IGF1R: variants seen among roughly 807,000 people sequenced by gnomAD.
The protein encoded by IGF1R is insulin-like growth factor 1 receptor.
IGF1R carries 44 observed loss-of-function variants against 144.6 expected under a neutral mutation model. The observed-to-expected ratio is 0.30, with a 90% CI of 0.24 to 0.39. The LOEUF is 0.39. Among genes scored for constraint, IGF1R ranks in the 10% least tolerant of loss-of-function variants. The probability of loss-of-function intolerance (pLI) is 1.00; values close to 1 mark genes in which losing one functional copy is unlikely to be tolerated. For missense variants in IGF1R, 1,355 were observed against 1,833.7 expected, an observed-to-expected ratio of 0.74 and a Z score of 4.77; for synonymous variants, 795 against 722.8, an observed-to-expected ratio of 1.10 and a Z score of -1.60.
chr15:98,819,766 G>C (rs2056767928), intron 2 of IGF1R, among the ~76,000 whole-genome samples: 1 of 152,152 alleles, frequency 6.6e-6, no homozygotes, highest in African/African-American at 2.4e-5. Flanking sequence ...AACTTAATAT[G>C]CGTTAACGTA....
At chr15:98,701,472 G>GA (rs2053731866) in intron 1 of IGF1R, among the ~76,000 whole-genome samples, 1 of 151,770 alleles carries the variant, frequency 6.6e-6, no homozygotes, top group African/African-American at 2.4e-5. Context: ...AAGTAGCTGG[G>GA]ACTACAGGTG....
chr15:98,839,135 C>CA (rs549599123), intron 2 of IGF1R, among the ~76,000 whole-genome samples: 318 of 152,360 alleles, frequency 2.1e-3, no homozygotes, highest in Non-Finnish European at 3.6e-3. Flanking sequence ...AGCTGACACT[C>CA]ATTCAGCCCT....
chr15:98,817,304 AAAT>A (rs57196850), intron 2 of IGF1R, among the ~76,000 whole-genome samples: 24,250 of 146,036 alleles, frequency 0.17, 2,355 homozygotes, highest in African/African-American at 0.26. Context: ...TCTGTCTCAA[AAAT>A]AATAATAATA....
chr15:98,777,409 T>C (rs776147785), intron 2 of IGF1R, among the ~76,000 whole-genome samples: 5 of 152,212 alleles, frequency 3.3e-5, no homozygotes, highest in Non-Finnish European at 5.9e-5. Context: ...TTTGGGAGTC[T>C]GAGAGGGAGG....
intron 2 of IGF1R, among the ~76,000 whole-genome samples, chr15:98,799,512 T>C (rs183833380): frequency 2.6e-5 from 4 of 152,372 alleles, no homozygotes; most frequent in Non-Finnish European, 4.4e-5. Context: ...TGTTTGCCTT[T>C]GAGGAGGTTA....
intron 2 of IGF1R, among the ~76,000 whole-genome samples, chr15:98,746,587 A>AG (rs2054872288): frequency 6.6e-6 from 1 of 152,188 alleles, no homozygotes; most frequent in African/African-American, 2.4e-5. Flanking sequence ...AATCATCTAC[A>AG]CCAGTGGAGG....
intron 1 of IGF1R, among the ~76,000 whole-genome samples, chr15:98,665,917 G>C (rs981793870): frequency 1.7e-5 from 1 of 58,442 alleles, no homozygotes; most frequent in East Asian, 9.9e-4. Context: ...AGATGGACTT[G>C]AATGGTCTTG....
At chr15:98,920,530 A>G (rs1302421594) in intron 10 of IGF1R, among the ~76,000 whole-genome samples, 1 of 152,252 alleles carries the variant, frequency 6.6e-6, no homozygotes, top group Non-Finnish European at 1.5e-5. Context: ...GAAGGTAGGC[A>G]GGAAATTTGT....
intron 5 of IGF1R, among the ~76,000 whole-genome samples, chr15:98,906,171 A>C (rs1461346372): frequency 6.6e-6 from 1 of 152,194 alleles, no homozygotes; most frequent in African/African-American, 2.4e-5. Flanking sequence ...CATTTGTCAA[A>C]TTCCTGGTTT....
At chr15:98,936,288 A>G (rs917571418) in intron 17 of IGF1R, among the ~76,000 whole-genome samples, 3 of 152,042 alleles carry the variant, frequency 2.0e-5, no homozygotes, top group African/African-American at 7.2e-5. Flanking sequence ...CCAATTCTAA[A>G]CCTGCTAAAG....
At chr15:98,676,645 C>A (rs749886530) in intron 1 of IGF1R, among the ~76,000 whole-genome samples, 1 of 151,760 alleles carries the variant, frequency 6.6e-6, no homozygotes, top group Non-Finnish European at 1.5e-5. Flanking sequence ...AATTCTTCTC[C>A]GCTACTCTTC....
chr15:98,844,427 T>C (rs937527392), intron 2 of IGF1R, among the ~76,000 whole-genome samples: 1 of 152,200 alleles, frequency 6.6e-6, no homozygotes, highest in African/African-American at 2.4e-5. Context: ...GCTCTTCTGC[T>C]GACTCCCTGC....
chr15:98,801,213 C>G (rs1467600128), intron 2 of IGF1R, among the ~76,000 whole-genome samples: 1 of 152,176 alleles, frequency 6.6e-6, no homozygotes, highest in Non-Finnish European at 1.5e-5. Context: ...GAGGTGACTT[C>G]TACCTGGGGT....
chr15:98,884,413 G>A (rs1198162218), intron 2 of IGF1R, among the ~76,000 whole-genome samples: 2 of 152,120 alleles, frequency 1.3e-5, no homozygotes, highest in East Asian at 3.9e-4. Flanking sequence ...TTCTGTACCC[G>A]GCCAGGCCTG....
chr15:98,828,164 T>C (rs1040735789), intron 2 of IGF1R, among the ~76,000 whole-genome samples: 39 of 152,340 alleles, frequency 2.6e-4, no homozygotes, highest in African/African-American at 7.7e-4. Context: ...CTGCCCAGTT[T>C]GCTTAGGAAG....
At chr15:98,696,830 T>C (rs74032529) in intron 1 of IGF1R, among the ~76,000 whole-genome samples, 19,441 of 152,104 alleles carry the variant, frequency 0.13, 2,491 homozygotes, top group African/African-American at 0.33. Flanking sequence ...GGATTGGCCT[T>C]CATGGGGCTG....
chr15:98,655,196 A>T (rs35082508), intron 1 of IGF1R, among the ~76,000 whole-genome samples: 47,037 of 152,008 alleles, frequency 0.31, 8,634 homozygotes, highest in Non-Finnish European at 0.4. Flanking sequence ...AAGGATCTTT[A>T]AAACAAGTTA....
rs1394608159 is a variant in IGF1R, at chr15:98,708,044, G to A, written c.577G>A (p.Glu193Lys). The change falls in exon 2 of 21, where the codon GAG becomes AAG. Residue 193 changes from glutamate to lysine, a missense_variant. Coordinates refer to ENST00000650285, the MANE Select transcript of IGF1R (RefSeq NM_000875.5). ...GACCATGGAGGAGAAGCCGATGTGT[G>A]AGAAGACCACCATCAACAATGAGTA... ...PGTMEEKPMC[E>K]KTTINNEYNY... 8 of 1,614,120 alleles carry A rather than the reference G, an allele frequency of 5.0e-6. No individual in the cohort carries two copies. The highest frequency in any genetic ancestry group is 1.3e-5 in the African/African-American group (1 of 75,048).
intron 2 of IGF1R, among the ~76,000 whole-genome samples, chr15:98,809,438 G>A (rs2056538166): frequency 6.6e-6 from 1 of 152,178 alleles, no homozygotes; most frequent in Non-Finnish European, 1.5e-5. Context: ...CCCAAGTTCC[G>A]CTGGCGTGAG....
Sources: gnomAD v4.1 joint callset for allele counts (sites outside exome capture counted in the v4.1 genomes callset) on GRCh38, gnomAD v4.1.1 for gene constraint, MANE v1.5 for transcripts, NCBI Gene and HGNC (gene_info 2026-07-23, HGNC 2026-07-21) for gene names.